PCLO: variants seen among roughly 807,000 people sequenced by gnomAD.
The protein encoded by PCLO is protein piccolo.
In PCLO, 82 loss-of-function variants were observed where a neutral mutation model predicts 427.5. That is an observed-to-expected ratio of 0.19 (90% CI 0.16 to 0.23). The LOEUF (loss-of-function observed/expected upper bound fraction) is 0.23. Ranked by LOEUF, PCLO falls within the 10% of genes least tolerant of loss-of-function variation. The pLI is 1.00. For synonymous variants in PCLO, 2,357 were observed against 2,155.4 expected (o/e 1.09, Z -2.59); for missense variants, 6,239 against 6,115.9 (o/e 1.02, Z -0.67).
intron 3 of PCLO, among the ~76,000 whole-genome samples, chr7:83,000,740 C>A (rs538054558): frequency 4.9e-4 from 74 of 152,086 alleles, no homozygotes; most frequent in African/African-American, 1.6e-3. Context: ...GGGTTGACGA[C>A]CTCAGCTTTA....
chr7:82,805,568 G>A (rs1252947922), intron 21 of PCLO, 120 bp downstream of exon 21: 1 of 857,084 alleles, frequency 1.2e-6, no homozygotes, highest in Non-Finnish European at 1.8e-6. Flanking sequence ...AACAGTTCAA[G>A]TGTCTCAGGG....
At position 82,887,065 on chromosome 7, in the gene PCLO, C is replaced by T. The variant is rs1793644062; in HGVS notation, c.13529-7603G>A. ...GGAAGAAAAGAGAAAGTAACACTTG[C>T]AAAGTTTCTCCTATGTGTCTGACAC... On this transcript the variant is annotated intron_variant, in intron 9 of 24. Transcript: ENST00000333891. Among the ~76,000 whole-genome samples the T allele has an allele frequency of 2.0e-5, 3 of 152,142 alleles. No individual in the cohort carries two copies. In the South Asian group the frequency reaches 6.2e-4, roughly 32 times the overall value.
intron 15 of PCLO, among the ~76,000 whole-genome samples, chr7:82,836,464 G>C (rs1792235908): frequency 6.6e-6 from 1 of 152,004 alleles, no homozygotes; most frequent in South Asian, 2.1e-4. Context: ...AGATATAAAT[G>C]AATTAACATA....
At chr7:83,027,380 C>T (rs1248432135) in intron 3 of PCLO, among the ~76,000 whole-genome samples, 3 of 152,108 alleles carry the variant, frequency 2.0e-5, no homozygotes, top group South Asian at 2.1e-4. Flanking sequence ...TTCCTCGACA[C>T]GTACACTCTC....
At chr7:82,786,951 T>C (rs1336335633) in intron 22 of PCLO, among the ~76,000 whole-genome samples, 1 of 152,112 alleles carries the variant, frequency 6.6e-6, no homozygotes, top group East Asian at 1.9e-4. Context: ...TAGTATTCCA[T>C]GGTGTATATG....
chr7:82,980,262 C>T (rs1325442676), intron 3 of PCLO, among the ~76,000 whole-genome samples: 3 of 152,120 alleles, frequency 2.0e-5, no homozygotes, highest in Non-Finnish European at 4.4e-5. Flanking sequence ...AAAGTCTTGA[C>T]AGAAACATGT....
chr7:82,787,172 A>G (rs143299646), intron 22 of PCLO, among the ~76,000 whole-genome samples: 2,011 of 152,116 alleles, frequency 0.013, 34 homozygotes, highest in African/African-American at 0.045. Flanking sequence ...ACTGTCTTCC[A>G]CAATGGTTGA....
At chr7:82,962,292 A>AT (rs1226690892) in intron 4 of PCLO, among the ~76,000 whole-genome samples, 5 of 152,074 alleles carry the variant, frequency 3.3e-5, no homozygotes, top group Admixed American at 1.3e-4. Context: ...CTTCTTTTGA[A>AT]TTTTCTTTCT....
chr7:82,797,489 G>A (rs7804206), intron 22 of PCLO, among the ~76,000 whole-genome samples: 1 of 151,922 alleles, frequency 6.6e-6, no homozygotes, highest in African/African-American at 2.4e-5. Context: ...TGATTTAAAT[G>A]TTAAAGAAAA....
At chr7:83,029,413 A>T (rs1788599278) in intron 3 of PCLO, among the ~76,000 whole-genome samples, 1 of 147,104 alleles carries the variant, frequency 6.8e-6, no homozygotes, top group Admixed American at 6.8e-5. Flanking sequence ...ACAATGAGAT[A>T]CCATCTCACA....
At chr7:82,778,569 T>C (rs1790804019) in intron 22 of PCLO, among the ~76,000 whole-genome samples, 1 of 152,196 alleles carries the variant, frequency 6.6e-6, no homozygotes, top group Non-Finnish European at 1.5e-5. Flanking sequence ...AAAATTTCTT[T>C]ATTATTTGGC....
intron 4 of PCLO, among the ~76,000 whole-genome samples, chr7:82,961,651 A>G (rs1015951151): frequency 2.0e-5 from 3 of 152,210 alleles, no homozygotes; most frequent in South Asian, 4.1e-4. Flanking sequence ...TAATCAATAG[A>G]TGGACAATAC....
intron 6 of PCLO, among the ~76,000 whole-genome samples, chr7:82,934,191 G>T (rs1794901532): frequency 1.3e-5 from 2 of 151,922 alleles, no homozygotes; most frequent in Non-Finnish European, 2.9e-5. Flanking sequence ...CCATCGAGAT[G>T]TTCTCTGTCA....
chr7:83,134,814 A>T lies in PCLO; in HGVS notation c.2736T>A (p.Ile912=), dbSNP rs938101122. 3 of 1,613,584 alleles carry T rather than the reference A, an allele frequency of 1.9e-6. No homozygotes were observed. In the African/African-American group the frequency reaches 4.0e-5, roughly 22 times the overall value. The stretch of plus-strand genomic sequence containing the variant: ...TAGGCTGTGATTTGGGGGCATCAGT[A>T]ATACTTCCCAGATTCAGACTGAAAC... ...SRRFSLNLGS[I]TDAPKSQPTT... is the part of the protein sequence containing the mutation. Residue 912 remains isoleucine (I), a synonymous_variant, in exon 3 of 25, where the codon ATT becomes ATA. Transcript: ENST00000333891.
At chr7:83,088,864 A>G (rs1790305789) in intron 3 of PCLO, among the ~76,000 whole-genome samples, 1 of 152,110 alleles carries the variant, frequency 6.6e-6, no homozygotes, top group African/African-American at 2.4e-5. Flanking sequence ...TTTCTAGGCT[A>G]TTCTCCACAC....
chr7:82,853,012 A>T (rs902976625), intron 10 of PCLO, among the ~76,000 whole-genome samples: 1 of 151,912 alleles, frequency 6.6e-6, no homozygotes, highest in African/African-American at 2.4e-5. Context: ...TAACATAATG[A>T]CCTCCAATTC....
intron 9 of PCLO, among the ~76,000 whole-genome samples, chr7:82,882,068 G>T (rs1290003598): frequency 6.6e-6 from 1 of 152,072 alleles, no homozygotes; most frequent in East Asian, 1.9e-4. Flanking sequence ...TATAGTAGCT[G>T]CTTCTACCCT....
In PCLO at chr7:82,954,928, C is replaced by T. The variant is rs1442535615; in HGVS notation, c.6025G>A (p.Asp2009Asn). Residue 2009 changes from aspartate (D) to asparagine (N), a missense_variant, in exon 5 of 25, where the codon GAC (aspartate) becomes AAC (asparagine). Around this residue, in one of 5 missense-constraint regions of PCLO, gnomAD observed 4,677 missense variants for 4,468.4 expected, o/e 1.05. Transcript: ENST00000333891. ...AACTCATAAAACTCTTTCTGGAGGT[C>T]TGTAATTTTCTGCATAGGATCTTCA... ...IYEDPMQKIT[D>N]LQKEFYELES... 6.2e-7 allele frequency: 1 copy of T among 1,613,588 alleles called. No individual in the cohort carries two copies. Among genetic ancestry groups the T allele is most frequent in the Non-Finnish European group, 8.5e-7 (1 of 1,179,808 alleles).
chr7:83,130,726 A>G (rs994909564), intron 3 of PCLO, among the ~76,000 whole-genome samples: 16 of 152,174 alleles, frequency 1.1e-4, no homozygotes, highest in Non-Finnish European at 2.2e-4. Flanking sequence ...TATTTAATGG[A>G]AAATGTGGAA....
Sources: allele counts gnomAD v4.1 joint callset (sites outside exome capture counted in the v4.1 genomes callset), GRCh38; gene constraint gnomAD v4.1.1; regional missense constraint gnomAD v4.1.1; transcripts MANE v1.5; gene names NCBI Gene and HGNC (gene_info 2026-07-23, HGNC 2026-07-21).